The following EFHC2 variants were observed in gnomAD, a reference collection of about 807,000 sequenced individuals.
EFHC2 encodes EF-hand domain-containing family member C2.
In EFHC2, 18 loss-of-function variants were observed where a neutral mutation model predicts 52.7. The ratio of observed to expected loss-of-function variants is 0.34; its 90% confidence interval spans 0.24 to 0.51. The LOEUF is 0.51. Among genes scored for constraint, EFHC2 ranks in the 20% least tolerant of loss-of-function variants. The pLI is 0.97. For synonymous variants in EFHC2, 203 were observed against 204.1 expected (o/e 0.99, Z 0.04); for missense variants, 513 against 562.5 (o/e 0.91, Z 0.89).
Position 44,187,135 on chromosome X carries a change from G to GTGTATATATATATATATATATATA in EFHC2, c.1752-8572_1752-8571insTATATATATATATATATATATACA, listed in dbSNP as rs1556001678. On this transcript the variant is annotated intron_variant, in intron 11 of 14. Coordinates refer to ENST00000420999, the MANE Select transcript of EFHC2 (RefSeq NM_025184.4). ...CCATGTCTCAAAGGAAAACAAAATG[G>GTGTATATATATATATATATATATA]TATATATATATATATATGGGCTTTA... Among the ~76,000 whole-genome samples, 13 of 61,753 alleles carry GTGTATATATATATATATATATATA rather than the reference G, an allele frequency of 2.1e-4. 1 individual carries two copies. The highest frequency in any genetic ancestry group is 9.0e-4 in the African/African-American group (11 of 12,158). 53.6% of individuals were successfully genotyped at this position (61,753 alleles called of 115,157 possible). A position where few individuals can be genotyped will look rare whatever the true frequency, so the allele number is the denominator to read the frequency against.
intron 13 of EFHC2, among the ~76,000 whole-genome samples, chrX:44,174,660 G>A (rs1295743229): frequency 1.0e-5 from 1 of 97,357 alleles, no homozygotes; most frequent in Non-Finnish European, 2.0e-5. Flanking sequence ...AAGGGGGGGG[G>A]AGGGGGAAGG....
intron 11 of EFHC2, among the ~76,000 whole-genome samples, chrX:44,200,481 T>G (rs2036998612): frequency 9.0e-6 from 1 of 110,880 alleles, no homozygotes; most frequent in African/African-American, 3.3e-5. Flanking sequence ...GATGGAAACA[T>G]GAAACACAAC....
intron 11 of EFHC2, among the ~76,000 whole-genome samples, chrX:44,179,761 G>A (rs372196194): frequency 2.7e-5 from 3 of 112,151 alleles, no homozygotes; most frequent in African/African-American, 6.5e-5. Context: ...CAGGAGGCTC[G>A]CTATATGGAA....
At chrX:44,270,691 G>A (rs1441455788) in intron 3 of EFHC2, among the ~76,000 whole-genome samples, 1 of 111,033 alleles carries the variant, frequency 9.0e-6, no homozygotes, top group East Asian at 2.8e-4. Context: ...TATTTATGAG[G>A]CCTCAATTTG....
intron 2 of EFHC2, among the ~76,000 whole-genome samples, chrX:44,292,012 C>G (rs2037795417): frequency 9.0e-6 from 1 of 111,551 alleles, no homozygotes; most frequent in Admixed American, 9.5e-5. Flanking sequence ...GAAAGGGGGT[C>G]ACCCTATCCT....
At chrX:44,318,081 T>C (rs896358795) in intron 1 of EFHC2, among the ~76,000 whole-genome samples, 10 of 112,322 alleles carry the variant, frequency 8.9e-5, no homozygotes, top group African/African-American at 2.3e-4. Context: ...CACATAAATG[T>C]TCATAGCAGC....
chrX:44,180,467 C>T (rs928502361), intron 11 of EFHC2, among the ~76,000 whole-genome samples: 2 of 111,960 alleles, frequency 1.8e-5, no homozygotes, highest in South Asian at 3.7e-4. Context: ...TGGGGCCAGG[C>T]GTGGTGGCTC....
At chrX:44,162,959 C>A (rs2036668896) in intron 14 of EFHC2, among the ~76,000 whole-genome samples, 1 of 112,043 alleles carries the variant, frequency 8.9e-6, no homozygotes. Flanking sequence ...AATACTTAAT[C>A]CTGATTTATC....
At chrX:44,276,355 G>A (rs2037658240) in intron 2 of EFHC2, among the ~76,000 whole-genome samples, 1 of 111,666 alleles carries the variant, frequency 9.0e-6, no homozygotes, top group Non-Finnish European at 1.9e-5. Context: ...CTTTAGCCCA[G>A]GAATTTAAGG....
intron 4 of EFHC2, among the ~76,000 whole-genome samples, chrX:44,250,789 C>T (rs1419898430): frequency 7.3e-5 from 7 of 95,841 alleles, no homozygotes; most frequent in Non-Finnish European, 1.4e-4. Flanking sequence ...CACACCACTG[C>T]GCTACAGCCT....
chrX:44,181,577 A>G (rs1210845974), intron 11 of EFHC2, among the ~76,000 whole-genome samples: 1 of 112,795 alleles, frequency 8.9e-6, no homozygotes, highest in Admixed American at 9.4e-5. Context: ...GTTAAAATTT[A>G]TATCTGCTGG....
At chrX:44,165,545 A>C (rs1248187186) in intron 13 of EFHC2, among the ~76,000 whole-genome samples, 2 of 112,104 alleles carry the variant, frequency 1.8e-5, no homozygotes, top group African/African-American at 6.5e-5. Flanking sequence ...GGAAGAATGA[A>C]AACTCAATTA....
At chrX:44,303,431 G>A (rs2037882209) in intron 2 of EFHC2, among the ~76,000 whole-genome samples, 2 of 110,726 alleles carry the variant, frequency 1.8e-5, no homozygotes, top group African/African-American at 6.6e-5. Flanking sequence ...AAGATACCCA[G>A]TTGTAGATGT....
intron 11 of EFHC2, among the ~76,000 whole-genome samples, chrX:44,207,502 C>T (rs1197084077): frequency 9.3e-6 from 1 of 107,663 alleles, no homozygotes; most frequent in Non-Finnish European, 1.9e-5. Context: ...CAGAGTGAGA[C>T]TCCGTCTCTA....
At chrX:44,197,368 G>A (rs1350014387) in intron 11 of EFHC2, among the ~76,000 whole-genome samples, 1 of 111,712 alleles carries the variant, frequency 9.0e-6, no homozygotes, top group Non-Finnish European at 1.9e-5. Flanking sequence ...GATATGCTGG[G>A]TAGCACCAGC....
At chrX:44,276,945 A>T (rs1260023524) in intron 2 of EFHC2, among the ~76,000 whole-genome samples, 2 of 111,584 alleles carry the variant, frequency 1.8e-5, no homozygotes, top group Non-Finnish European at 3.8e-5. Context: ...TCACTTCAGG[A>T]ATCAAACATC....
intron 11 of EFHC2, among the ~76,000 whole-genome samples, chrX:44,198,754 C>A (rs1475733692): frequency 9.0e-6 from 1 of 111,032 alleles, no homozygotes; most frequent in Admixed American, 9.6e-5. Flanking sequence ...GATTTTTTAA[C>A]ACTCACCAGG....
chrX:44,237,162 C>T (rs1227939310), intron 8 of EFHC2, among the ~76,000 whole-genome samples: 1 of 110,707 alleles, frequency 9.0e-6, no homozygotes, highest in Non-Finnish European at 1.9e-5. Flanking sequence ...ATCCAGAGTC[C>T]AATCCCCAGA....
intron 11 of EFHC2, among the ~76,000 whole-genome samples, chrX:44,199,053 T>C (rs1227217728): frequency 2.7e-5 from 3 of 112,605 alleles, no homozygotes; most frequent in Non-Finnish European, 5.6e-5. Flanking sequence ...ACAGTTCACA[T>C]GTTTGTCCCC....
Sources: allele counts gnomAD v4.1 joint callset (sites outside exome capture counted in the v4.1 genomes callset), GRCh38; gene constraint gnomAD v4.1.1; transcripts MANE v1.5; gene names NCBI Gene and HGNC (gene_info 2026-07-23, HGNC 2026-07-21).